RALGAPA1: variants seen among roughly 807,000 people sequenced by gnomAD.
The protein encoded by RALGAPA1 is Ral GTPase activating protein catalytic subunit alpha 1, also known as ral GTPase-activating protein subunit alpha-1.
Under a neutral mutation model 269.6 loss-of-function variants are expected in RALGAPA1, and 52 were observed. The observed-to-expected ratio is 0.19, with a 90% CI of 0.15 to 0.24. The LOEUF (loss-of-function observed/expected upper bound fraction) is 0.24. Ranked by LOEUF, RALGAPA1 falls within the 10% of genes least tolerant of loss-of-function variation. RALGAPA1 has a pLI of 1.00. For synonymous variants in RALGAPA1, 817 were observed against 1,008.3 expected (o/e 0.81, Z 3.60); for missense variants, 1,917 against 3,013.9 (o/e 0.64, Z 8.52).
At chr14:35,799,658 T>C (rs960433196) in intron 1 of RALGAPA1, among the ~76,000 whole-genome samples, 1 of 150,932 alleles carries the variant, frequency 6.6e-6, no homozygotes, top group Non-Finnish European at 1.5e-5. Context: ...TTTACTCAAC[T>C]AATTCAAAAG....
At chr14:35,766,517 T>C (rs942138797) in intron 4 of RALGAPA1, 2 of 1,191,424 alleles carry the variant, frequency 1.7e-6, no homozygotes, top group Non-Finnish European at 2.5e-6. Flanking sequence ...TCTGCTACCA[T>C]CTATTGTGCA....
At position 35,750,531 on chromosome 14, in the gene RALGAPA1, C is replaced by A; in HGVS notation, c.962G>T (p.Gly321Val). 1 of 1,613,164 alleles carries A rather than the reference C, an allele frequency of 6.2e-7. No homozygotes were observed. The highest frequency in any genetic ancestry group is 1.1e-5 in the South Asian group (1 of 91,040). The stretch of plus-strand genomic sequence containing the variant: ...ACCTTCCATCCCAGGAATATGAGGT[C>A]CTGTATGTGGTTTTGGCTCCAGCCA... ...SFWLEPKPHTGPHIPGMEGEV... is the reference protein window; with the variant it reads ...SFWLEPKPHTVPHIPGMEGEV... The change falls in exon 9 of 42, where the codon GGA (glycine) becomes GTA (valine). Residue 321 changes from glycine (G) to valine (V), a missense_variant. Coordinates refer to ENST00000680220, the MANE Select transcript of RALGAPA1 (RefSeq NM_001346249.2).
chr14:35,710,258 T>C (rs2068188687), intron 16 of RALGAPA1, among the ~76,000 whole-genome samples: 1 of 152,150 alleles, frequency 6.6e-6, no homozygotes. Context: ...TCTTGGAGAA[T>C]TAATCATCTT....
At chr14:35,545,477 T>C (rs1301108991) in intron 41 of RALGAPA1, among the ~76,000 whole-genome samples, 1 of 152,058 alleles carries the variant, frequency 6.6e-6, no homozygotes, top group Non-Finnish European at 1.5e-5. Flanking sequence ...AATTTTATAA[T>C]ATTGCTTTAA....
rs760490766 is a variant in RALGAPA1 at position 35,684,959 on chromosome 14, C to T, written c.4264G>A (p.Ala1422Thr). The change falls in exon 20 of 42, where the codon GCT becomes ACT. Residue 1422 changes from alanine (A) to threonine (T), a missense_variant. By Grantham distance (58) the Ala-to-Thr change is moderately conservative. Transcript: ENST00000680220. ...SSDSHSDSFS[A>T]FQYDGRKFDN... ...AATTTTCGGCCATCATATTGGAAAG[C>T]GCTGAAAGAATCCGAATGACTATCT... The T allele has an allele frequency of 9.3e-6, 15 of 1,613,280 alleles. No individual in the cohort carries two copies. The South Asian group carries it at 9.9e-5, about 11-fold the overall frequency.
chr14:35,583,084 G>C lies in RALGAPA1; in HGVS notation c.7210-10366C>G, dbSNP rs2415299. ...TACAAGACAAAAAACATAGTCTAAAGAGACTGAACAAGCATCAGAACAGAA... is the reference window on the plus strand; with the variant it reads ...TACAAGACAAAAAACATAGTCTAAACAGACTGAACAAGCATCAGAACAGAA... On this transcript the variant is annotated intron_variant, in intron 37 of 41. Transcript: ENST00000680220. 8.9e-3 allele frequency among the ~76,000 whole-genome samples: 1,359 copies of C among 152,188 alleles called. 21 individuals are homozygous for C. The highest frequency in any genetic ancestry group is 0.029 in the African/African-American group (1,215 of 41,502).
intron 12 of RALGAPA1, among the ~76,000 whole-genome samples, chr14:35,731,269 C>G (rs375769968): frequency 2.6e-5 from 4 of 152,154 alleles, no homozygotes; most frequent in Admixed American, 1.3e-4. Flanking sequence ...TCTGACAGAG[C>G]CTACCCAAAT....
At chr14:35,618,684 T>C (rs536997169) in intron 35 of RALGAPA1, among the ~76,000 whole-genome samples, 2 of 152,224 alleles carry the variant, frequency 1.3e-5, no homozygotes, top group African/African-American at 4.8e-5. Flanking sequence ...AATGATTATA[T>C]ATCTAGACAA....
chr14:35,594,535 A>G (rs551377247), intron 37 of RALGAPA1, among the ~76,000 whole-genome samples: 1 of 152,266 alleles, frequency 6.6e-6, no homozygotes, highest in African/African-American at 2.4e-5. Flanking sequence ...GAACTGGTAT[A>G]TGAAAAGGCT....
intron 34 of RALGAPA1, among the ~76,000 whole-genome samples, chr14:35,626,538 A>G (rs1421133172): frequency 1.3e-5 from 2 of 152,124 alleles, no homozygotes; most frequent in Admixed American, 1.3e-4. Context: ...ACTACTCTCA[A>G]TTTGTAGACT....
intron 28 of RALGAPA1, among the ~76,000 whole-genome samples, chr14:35,657,905 C>T (rs970915659): frequency 6.6e-6 from 1 of 152,018 alleles, no homozygotes; most frequent in South Asian, 2.1e-4. Context: ...ATACCTGTCT[C>T]ATAGAGGTAT....
intron 1 of RALGAPA1, among the ~76,000 whole-genome samples, chr14:35,799,154 C>A (rs2076792500): frequency 6.6e-6 from 1 of 151,994 alleles, no homozygotes; most frequent in African/African-American, 2.4e-5. Flanking sequence ...AAATATATGA[C>A]AACAAAAGCA....
chr14:35,756,762 G>A, intron 7 of RALGAPA1, 31 bp downstream of exon 7: 2 of 1,403,656 alleles, frequency 1.4e-6, no homozygotes, highest in African/African-American at 1.4e-5. Flanking sequence ...AGGATAGTAA[G>A]GAGTGTGATA....
chr14:35,624,099 A>G (rs1403494338), intron 35 of RALGAPA1, among the ~76,000 whole-genome samples: 2 of 141,344 alleles, frequency 1.4e-5, no homozygotes, highest in Non-Finnish European at 3.0e-5. Context: ...AAAAAAAAAA[A>G]GTTATCTTTG....
intron 10 of RALGAPA1, among the ~76,000 whole-genome samples, chr14:35,746,026 T>C (rs2072061068): frequency 6.6e-6 from 1 of 152,034 alleles, no homozygotes; most frequent in African/African-American, 2.4e-5. Context: ...TGAGTTGTGA[T>C]CACACCACTG....
intron 35 of RALGAPA1, among the ~76,000 whole-genome samples, chr14:35,609,498 C>A (rs549046650): frequency 6.6e-6 from 1 of 152,050 alleles, no homozygotes; most frequent in Non-Finnish European, 1.5e-5. Flanking sequence ...AAAATATGGC[C>A]TGTAAGTAAA....
At chr14:35,745,488 G>A (rs550230690) in intron 10 of RALGAPA1, among the ~76,000 whole-genome samples, 7 of 151,016 alleles carry the variant, frequency 4.6e-5, no homozygotes, top group East Asian at 2.0e-4. Flanking sequence ...AAATCTGGCC[G>A]GGCACAGTGG....
At chr14:35,685,584 C>T (rs914273231) in intron 19 of RALGAPA1, among the ~76,000 whole-genome samples, 15 of 152,138 alleles carry the variant, frequency 9.9e-5, no homozygotes, top group African/African-American at 3.1e-4. Flanking sequence ...AGAAGTCAAA[C>T]CCAAATGAAA....
In RALGAPA1 at chr14:35,796,590, ACTC is replaced by A. The variant is rs1329061938; in HGVS notation, c.106+12137_106+12139del. Among the ~76,000 whole-genome samples, 6 of 152,234 alleles carry A rather than the reference ACTC, an allele frequency of 3.9e-5. No individual in the cohort carries two copies. The South Asian group carries it at 8.3e-4, about 21-fold the overall frequency. On this transcript the variant is annotated intron_variant, in intron 1 of 41. Coordinates refer to ENST00000680220, the MANE Select transcript of RALGAPA1 (RefSeq NM_001346249.2). ...ACTAACCAAGGCATATGATAATCAGACTCCTCAACACCAGTGATGAAGAGGTCT... is the reference window on the plus strand; with the variant it reads ...ACTAACCAAGGCATATGATAATCAGACTCAACACCAGTGATGAAGAGGTCT...
Sources: gnomAD v4.1 joint callset for allele counts (sites outside exome capture counted in the v4.1 genomes callset) on GRCh38, gnomAD v4.1.1 for gene constraint, MANE v1.5 for transcripts, NCBI Gene and HGNC (gene_info 2026-07-23, HGNC 2026-07-21) for gene names.